SSH2: variants seen among roughly 807,000 people sequenced by gnomAD.
SSH2 encodes the protein protein phosphatase Slingshot homolog 2.
SSH2 carries 37 observed loss-of-function variants against 135.2 expected under a neutral mutation model. The ratio of observed to expected loss-of-function variants is 0.27; its 90% CI spans 0.21 to 0.36. The LOEUF is 0.36. SSH2 is among the 10% of genes least tolerant of loss of function. The probability of loss-of-function intolerance (pLI) is 1.00; values close to 1 mark genes in which losing one functional copy is unlikely to be tolerated. For synonymous variants in SSH2, 628 were observed against 646.2 expected, an observed-to-expected ratio of 0.97 and a Z score of 0.43; for missense variants, 1,408 against 1,765.3, an observed-to-expected ratio of 0.80 and a Z score of 3.63.
At chr17:29,755,076 C>T (rs924422419) in intron 3 of SSH2, among the ~76,000 whole-genome samples, 6 of 152,216 alleles carry the variant, frequency 3.9e-5, no homozygotes, top group Non-Finnish European at 2.9e-5. Flanking sequence ...AACACTAACA[C>T]CTTGGCTCCT....
intron 11 of SSH2, among the ~76,000 whole-genome samples, chr17:29,663,032 G>A (rs1446759815): frequency 6.6e-6 from 1 of 152,194 alleles, no homozygotes; most frequent in Non-Finnish European, 1.5e-5. Flanking sequence ...TTGGGCAAAG[G>A]CTTCCAGCTC....
In SSH2 at chr17:29,755,763, G is replaced by T. The variant is rs374200807; in HGVS notation, c.188+38131C>A. ...TGCAAGCTCCGCCTCCTGGGTTCAC[G>T]CCATTCTCCTGCCTCAGCCTGCTGA... On this transcript the variant is annotated intron_variant, in intron 3 of 15. Transcript: ENST00000540801. Among the ~76,000 whole-genome samples, 33 of 150,438 alleles carry T rather than the reference G, an allele frequency of 2.2e-4. No individual in the cohort carries two copies. The South Asian group carries it at 6.5e-3, about 29-fold the overall frequency.
rs149470682 is a variant in SSH2 at position 29,690,001 on chromosome 17, G to T, written c.358-5317C>A. ...TGCATTCCAGCCTGGGTGACAAAGCGAGATCCATCTCAAAAAAAAAAAAAA... is the reference window on the plus strand; with the variant it reads ...TGCATTCCAGCCTGGGTGACAAAGCTAGATCCATCTCAAAAAAAAAAAAAA... On this transcript the variant is annotated intron_variant, in intron 5 of 15. Coordinates refer to ENST00000540801, the MANE Select transcript of SSH2 (RefSeq NM_001282129.2). 4.9e-3 allele frequency among the ~76,000 whole-genome samples: 563 copies of T among 115,100 alleles called. 6 individuals are homozygous for T. The highest frequency in any genetic ancestry group is 0.018 in the African/African-American group (534 of 28,920). The allele number at this position is 115,100 out of a possible 152,430, so 75.5% of individuals were successfully genotyped here.
intron 2 of SSH2, among the ~76,000 whole-genome samples, chr17:29,809,742 G>C (rs1390422010): frequency 6.6e-6 from 1 of 151,884 alleles, no homozygotes; most frequent in East Asian, 1.9e-4. Flanking sequence ...ATTTTTTTTA[G>C]AGACAGGGTC....
chr17:29,743,997 T>C (rs555713911), intron 3 of SSH2, among the ~76,000 whole-genome samples: 130 of 149,130 alleles, frequency 8.7e-4, no homozygotes, highest in African/African-American at 3.2e-3. Flanking sequence ...GAGAATCCTA[T>C]CATAAAGGAA....
intron 3 of SSH2, among the ~76,000 whole-genome samples, chr17:29,714,957 C>T (rs900497998): frequency 3.6e-4 from 54 of 152,050 alleles, no homozygotes; most frequent in African/African-American, 1.2e-3. Context: ...ACCTCCGCCT[C>T]CTGGGCTCAA....
intron 3 of SSH2, chr17:29,761,313 C>A: frequency 1.5e-5 from 18 of 1,239,982 alleles, no homozygotes; most frequent in Non-Finnish European, 1.9e-5. Context: ...CGCATCCTGG[C>A]CTCTGCTCTG....
At position 29,728,883 on chromosome 17, in the gene SSH2, T is replaced by C. The variant is rs551614123; in HGVS notation, c.189-25821A>G. Among the ~76,000 whole-genome samples the C allele has an allele frequency of 2.0e-5, 3 of 152,320 alleles. No individual in the cohort carries two copies. The East Asian group carries it at 5.8e-4, about 29-fold the overall frequency. ...AAACTAGCCTCCATCTCTCGCCATA[T>C]ACAAAGTCAAATCAAAATGGATTAA... On this transcript the variant is annotated intron_variant, in intron 3 of 15. Transcript: ENST00000540801.
At chr17:29,654,213 C>G (rs574599247) in intron 12 of SSH2, among the ~76,000 whole-genome samples, 1 of 152,332 alleles carries the variant, frequency 6.6e-6, no homozygotes, top group Admixed American at 6.5e-5. Flanking sequence ...TCTTGTTATA[C>G]AGCTCTGAGC....
chr17:29,750,305 G>A (rs1436521892), intron 3 of SSH2, among the ~76,000 whole-genome samples: 1 of 151,060 alleles, frequency 6.6e-6, no homozygotes, highest in African/African-American at 2.4e-5. Context: ...CAGGCGTGGT[G>A]GCACGCACCT....
chr17:29,815,751 A>G (rs2042546964), intron 2 of SSH2, among the ~76,000 whole-genome samples: 1 of 152,146 alleles, frequency 6.6e-6, no homozygotes, highest in Admixed American at 6.5e-5. Context: ...GCAGCTTCTA[A>G]TCTCCTGCTA....
intron 3 of SSH2, among the ~76,000 whole-genome samples, chr17:29,785,805 CTTTTTTTTT>C (rs748367220): frequency 1.6e-5 from 2 of 125,124 alleles, no homozygotes; most frequent in Non-Finnish European, 3.3e-5. Context: ...AGTCCGTTTA[CTTTTTTTTT>C]TTTTTTTTTA....
At chr17:29,782,912 G>T (rs1471618691) in intron 3 of SSH2, among the ~76,000 whole-genome samples, 1 of 152,124 alleles carries the variant, frequency 6.6e-6, no homozygotes, top group African/African-American at 2.4e-5. Flanking sequence ...GTAGAGACAG[G>T]GTTTCACCAT....
intron 1 of SSH2, among the ~76,000 whole-genome samples, chr17:29,859,842 GT>G: frequency 6.6e-6 from 1 of 151,840 alleles, no homozygotes; most frequent in Non-Finnish European, 1.5e-5. Flanking sequence ...TGGTAGCTCT[GT>G]TTTTTTGTTT....
chr17:29,656,874 C>G (rs116824675), intron 11 of SSH2, among the ~76,000 whole-genome samples: 3 of 152,194 alleles, frequency 2.0e-5, no homozygotes, highest in Non-Finnish European at 4.4e-5. Context: ...ACCTGATACA[C>G]TATACATATT....
chr17:29,730,025 A>G (rs1258124645), intron 3 of SSH2, among the ~76,000 whole-genome samples: 5 of 152,138 alleles, frequency 3.3e-5, no homozygotes, highest in Non-Finnish European at 5.9e-5. Context: ...TAAGTTTAAA[A>G]TAAGTAAAAG....
intron 1 of SSH2, among the ~76,000 whole-genome samples, chr17:29,873,289 G>A (rs2065969801): frequency 6.6e-6 from 1 of 152,176 alleles, no homozygotes; most frequent in Non-Finnish European, 1.5e-5. Context: ...GCCGGGCGCA[G>A]TGGCTCACAC....
At chr17:29,901,293 A>C (rs1239026183) in intron 1 of SSH2, among the ~76,000 whole-genome samples, 1 of 151,798 alleles carries the variant, frequency 6.6e-6, no homozygotes, top group Non-Finnish European at 1.5e-5. Context: ...AAAAAAAAAC[A>C]ATGTTTTCTC....
At chr17:29,719,442 G>C (rs1426380817) in intron 3 of SSH2, among the ~76,000 whole-genome samples, 1 of 151,664 alleles carries the variant, frequency 6.6e-6, no homozygotes, top group East Asian at 1.9e-4. Context: ...AACCCGAGAG[G>C]TGGAGGTTGC....
Sources: allele counts gnomAD v4.1 joint callset (sites outside exome capture counted in the v4.1 genomes callset), GRCh38; gene constraint gnomAD v4.1.1; transcripts MANE v1.5; gene names NCBI Gene and HGNC (gene_info 2026-07-23, HGNC 2026-07-21).